RPS19: variants seen among roughly 807,000 people sequenced by gnomAD.
RPS19 encodes the protein ribosomal protein S19.
A neutral mutation model predicts 20.3 loss-of-function variants in RPS19; 1 was observed. The ratio of observed to expected loss-of-function variants is 0.05; its 90% CI spans 0.02 to 0.23. The LOEUF (loss-of-function observed/expected upper bound fraction) is 0.23, where lower values mean the gene tolerates loss of function less well. RPS19 is among the 10% of genes least tolerant of loss of function. The pLI, the probability that RPS19 is intolerant of heterozygous loss-of-function variation, is 1.00. For synonymous variants in RPS19, 87 were observed against 74.8 expected, an observed-to-expected ratio of 1.16 and a Z score of -0.84; for missense variants, 111 against 192.7, an observed-to-expected ratio of 0.58 and a Z score of 2.51.
intron 3 of RPS19, among the ~76,000 whole-genome samples, chr19:41,865,765 G>A (rs1474099639): frequency 6.6e-6 from 1 of 150,948 alleles, no homozygotes; most frequent in Non-Finnish European, 1.5e-5. Flanking sequence ...TGGCTAACAT[G>A]GTGAAACCCC....
chr19:41,860,931 C>A, intron 2 of RPS19, 86 bp downstream of exon 2: 1 of 1,319,838 alleles, frequency 7.6e-7, no homozygotes, highest in Non-Finnish European at 1.1e-6. Context: ...CGGTCCCTGG[C>A]AGGCGAGGCT....
chr19:41,869,200 A>C lies in RPS19; in HGVS notation c.342A>C (p.Glu114Asp). ...CCCTGGAGGGGCTGAAAATGGTGGA[A>C]AAGGACCAAGATGGGTAAGCAGGGT... ...LQALEGLKMV[E>D]KDQDGGRKLT... is the part of the protein sequence containing the mutation. Residue 114 changes from glutamate to aspartate, a missense_variant, in exon 4 of 6, where the codon GAA (glutamate) becomes GAC (aspartate). Physicochemically the swap from Glu to Asp is conservative, Grantham distance 45. Coordinates refer to ENST00000598742, the MANE Select transcript of RPS19 (RefSeq NM_001022.4). The C allele has an allele frequency of 6.2e-7, 1 of 1,613,534 alleles. No homozygotes were observed. The highest frequency in any genetic ancestry group is 8.5e-7 in the Non-Finnish European group (1 of 1,179,802).
In RPS19 at chr19:41,872,221, G is replaced by A. The variant is rs2074156616; in HGVS notation, c.*844G>A. Reference sequence around the variant, plus strand: ...CTGGGAGATCCAAATAGCACCCAGTGGGCAGCTGTCCGACCCCTGGAGGGG... The same window carrying A: ...CTGGGAGATCCAAATAGCACCCAGTAGGCAGCTGTCCGACCCCTGGAGGGG... On this transcript the variant is annotated 3_prime_UTR_variant, in exon 6 of 6. Transcript: ENST00000598742. The A allele has an allele frequency of 6.6e-6, 1 of 152,264 alleles. No homozygotes were observed. The highest frequency in any genetic ancestry group is 2.1e-4 in the South Asian group (1 of 4,834). The allele number at this position is 152,264 out of a possible 1,614,324, so 9.4% of individuals were successfully genotyped here. A position where few individuals can be genotyped will look rare whatever the true frequency, so the allele number is the denominator to read the frequency against.
chr19:41,860,748 G>A (rs2074019599), intron 1 of RPS19, 27 bp from the exon 2 acceptor site: 58 of 1,582,972 alleles, frequency 3.7e-5, no homozygotes, highest in Non-Finnish European at 4.9e-5. Context: ...CCAGGCCTGT[G>A]TTCACATGCT....
intron 1 of RPS19, chr19:41,860,527 G>A: frequency 1.8e-6 from 1 of 555,160 alleles, no homozygotes; most frequent in South Asian, 2.0e-5. Context: ...CGGGGCTGGG[G>A]AGTGGGGTCG....
intron 5 of RPS19, among the ~76,000 whole-genome samples, chr19:41,870,835 C>T (rs1428104935): frequency 6.8e-6 from 1 of 147,480 alleles, no homozygotes; most frequent in Non-Finnish European, 1.5e-5. Flanking sequence ...GGACTCCACT[C>T]CGCCACTCCC....
chr19:41,860,670 A>G, intron 1 of RPS19, 105 bp from the exon 2 acceptor site: 1 of 896,554 alleles, frequency 1.1e-6, no homozygotes, highest in Non-Finnish European at 1.9e-6. Context: ...AACGGGGGGT[A>G]CCACGGTTTA....
rs1431085411 is a variant in RPS19 at position 41,871,850 on chromosome 19, A to G, written c.*473A>G. The stretch of plus-strand genomic sequence containing the variant: ...GACCTCAGCTGGGCCTGGGCTGCAG[A>G]GGTGGCTTCCGCTGGAGTAAAGCAA... On this transcript the variant is annotated 3_prime_UTR_variant, in exon 6 of 6. Transcript: ENST00000598742. 1.1e-5 allele frequency: 2 copies of G among 186,228 alleles called. No individual in the cohort carries two copies. The highest frequency in any genetic ancestry group is 2.3e-5 in the Non-Finnish European group (2 of 87,626). 11.5% of individuals were successfully genotyped at this position (186,228 alleles called of 1,614,324 possible).
intron 3 of RPS19, among the ~76,000 whole-genome samples, chr19:41,862,107 A>G (rs1389411579): frequency 5.9e-5 from 9 of 152,184 alleles, no homozygotes; most frequent in African/African-American, 7.2e-5. Flanking sequence ...CCTGACCACA[A>G]CTTGTCTCCA....
At chr19:41,860,387 G>T (rs1343535854) in intron 1 of RPS19, 98 bp downstream of exon 1, 1 of 167,644 alleles carries the variant, frequency 6.0e-6, no homozygotes, top group African/African-American at 2.4e-5. Flanking sequence ...GCCCGGCGCG[G>T]GCCCGTCCCG....
chr19:41,868,062 C>G (rs1323760968), intron 3 of RPS19, among the ~76,000 whole-genome samples: 1 of 152,094 alleles, frequency 6.6e-6, no homozygotes, highest in Non-Finnish European at 1.5e-5. Context: ...GGAAGAACCC[C>G]CAATTCCCCC....
chr19:41,861,403 C>T (rs932602201), intron 3 of RPS19, 191 bp downstream of exon 3: 7 of 613,018 alleles, frequency 1.1e-5, no homozygotes, highest in African/African-American at 1.8e-5. Context: ...ATTCTAAGAG[C>T]TTTGTGAGAG....
chr19:41,861,060 G>A, intron 2 of RPS19, 52 bp from the exon 3 acceptor site: 1 of 1,380,082 alleles, frequency 7.2e-7, no homozygotes, highest in Non-Finnish European at 1.0e-6. Context: ...TGGGATATGG[G>A]GTAGTTTGTG....
chr19:41,861,093 C>T lies in RPS19; in HGVS notation c.72-19C>T, dbSNP rs782346634. ...GTGGAGATGACTGAATCGTGCTTTT[C>T]CCACTGTTTTGGTCTTAGGTCCGGG... On this transcript the variant is annotated intron_variant, in intron 2 of 5. Coordinates refer to ENST00000598742, the MANE Select transcript of RPS19 (RefSeq NM_001022.4). The T allele has an allele frequency of 1.9e-6, 3 of 1,597,374 alleles. No individual in the cohort carries two copies. The highest frequency in any genetic ancestry group is 2.6e-6 in the Non-Finnish European group (3 of 1,165,186).
At chr19:41,865,142 G>A (rs540724046) in intron 3 of RPS19, among the ~76,000 whole-genome samples, 14 of 152,068 alleles carry the variant, frequency 9.2e-5, no homozygotes, top group Non-Finnish European at 2.1e-4. Flanking sequence ...CAAGGCAGGC[G>A]GATCACCTGA....
Position 41,861,108 on chromosome 19 carries a change from T to A in RPS19, c.72-4T>A, listed in dbSNP as rs879948961. 1 of 1,612,996 alleles carries A rather than the reference T, an allele frequency of 6.2e-7. No homozygotes were observed. Among genetic ancestry groups the A allele is most frequent in the Non-Finnish European group, 8.5e-7 (1 of 1,179,202 alleles). ...TCGTGCTTTTCCCACTGTTTTGGTCTTAGGTCCGGGAAGCTGAAAGTCCCC... is the reference window on the plus strand; with the variant it reads ...TCGTGCTTTTCCCACTGTTTTGGTCATAGGTCCGGGAAGCTGAAAGTCCCC... On this transcript the variant is annotated splice_region_variant and splice_polypyrimidine_tract_variant and intron_variant, in intron 2 of 5. Coordinates refer to ENST00000598742, the MANE Select transcript of RPS19 (RefSeq NM_001022.4).
chr19:41,867,157 T>C (rs1425146977), intron 3 of RPS19, among the ~76,000 whole-genome samples: 11 of 150,810 alleles, frequency 7.3e-5, no homozygotes, highest in Non-Finnish European at 1.6e-4. Context: ...TCAGAAATTA[T>C]CTGGGCGTGG....
intron 3 of RPS19, chr19:41,863,855 T>C (rs2074058086): frequency 6.6e-6 from 1 of 150,814 alleles, no homozygotes; most frequent in East Asian, 1.9e-4. Context: ...TTTTTTTTTT[T>C]TTTTTTTTTA....
intron 1 of RPS19, chr19:41,860,559 G>C (rs974485159): frequency 4.5e-5 from 27 of 603,354 alleles, no homozygotes; most frequent in Non-Finnish European, 7.8e-5. Flanking sequence ...CACACGCAGG[G>C]GCCGGGCTCT....
Sources: gnomAD v4.1 joint callset for allele counts (sites outside exome capture counted in the v4.1 genomes callset) on GRCh38, gnomAD v4.1.1 for gene constraint, MANE v1.5 for transcripts, NCBI Gene and HGNC (gene_info 2026-07-23, HGNC 2026-07-21) for gene names.